Variants in RSRC1 observed in about 807,000 individuals in gnomAD.
RSRC1 encodes the protein serine/Arginine-related protein 53.
Under a neutral mutation model 49.1 loss-of-function variants are expected in RSRC1, and 39 were observed. That is an observed-to-expected ratio of 0.79 (90% CI 0.61 to 1.04). The LOEUF (loss-of-function observed/expected upper bound fraction) is 1.04. Among genes scored for constraint, RSRC1 ranks in the 50% least tolerant of loss-of-function variants. The pLI, the probability that RSRC1 is intolerant of heterozygous loss-of-function variation, is 0.00. For synonymous variants in RSRC1, 143 were observed against 130.8 expected (o/e 1.09, Z -0.63); for missense variants, 388 against 402.4 (o/e 0.96, Z 0.31).
Position 158,520,724 on chromosome 3 carries a change from G to T in RSRC1, c.653-16368G>T, listed in dbSNP as rs78776971. On this transcript the variant is annotated intron_variant, in intron 7 of 9. Coordinates refer to ENST00000611884, the MANE Select transcript of RSRC1 (RefSeq NM_001271838.2). ...TCAAATTAATTGTGGATTTGCAGTG[G>T]TTTCATTTTCAAAGGTTTATGTTTA... Among the ~76,000 whole-genome samples, 1,513 of 152,166 alleles carry T rather than the reference G, an allele frequency of 9.9e-3. 16 individuals are homozygous for T. The highest frequency in any genetic ancestry group is 0.035 in the African/African-American group (1,443 of 41,518).
At chr3:158,505,047 C>T (rs1160724198) in intron 7 of RSRC1, among the ~76,000 whole-genome samples, 1 of 152,120 alleles carries the variant, frequency 6.6e-6, no homozygotes, top group Non-Finnish European at 1.5e-5. Context: ...GGCCTTTTAT[C>T]AGTGGAAATC....
At chr3:158,310,971 T>G (rs1728089184) in intron 5 of RSRC1, among the ~76,000 whole-genome samples, 1 of 151,828 alleles carries the variant, frequency 6.6e-6, no homozygotes, top group African/African-American at 2.4e-5. Context: ...TAATCTACTC[T>G]CCTCGTTTGT....
chr3:158,119,540 A>G (rs889465859), intron 1 of RSRC1, among the ~76,000 whole-genome samples: 6 of 152,170 alleles, frequency 3.9e-5, no homozygotes, highest in Non-Finnish European at 7.4e-5. Flanking sequence ...AAAAACAAGA[A>G]AGGAATTAAA....
intron 5 of RSRC1, among the ~76,000 whole-genome samples, chr3:158,339,728 C>A (rs1447502594): frequency 6.6e-6 from 1 of 152,166 alleles, no homozygotes; most frequent in African/African-American, 2.4e-5. Flanking sequence ...CAGGCACTCT[C>A]CTAGGTGCTA....
At chr3:158,158,545 T>C (rs1215545495) in intron 3 of RSRC1, among the ~76,000 whole-genome samples, 6 of 152,216 alleles carry the variant, frequency 3.9e-5, no homozygotes, top group Non-Finnish European at 8.8e-5. Flanking sequence ...TGAAATTGTC[T>C]TTTCCCCCAC....
chr3:158,358,571 A>G (rs1731285620), intron 6 of RSRC1, among the ~76,000 whole-genome samples: 1 of 152,150 alleles, frequency 6.6e-6, no homozygotes, highest in South Asian at 2.1e-4. Flanking sequence ...AATATGACAG[A>G]TGTGTGTTTT....
intron 6 of RSRC1, among the ~76,000 whole-genome samples, chr3:158,414,711 G>A (rs1578445759): frequency 6.6e-6 from 1 of 151,576 alleles, no homozygotes. Context: ...GACAAAGTAA[G>A]ACTCTGTTTC....
At chr3:158,360,760 G>A (rs1325541156) in intron 6 of RSRC1, among the ~76,000 whole-genome samples, 3 of 152,226 alleles carry the variant, frequency 2.0e-5, no homozygotes, top group African/African-American at 4.8e-5. Context: ...GGCAGCAGGA[G>A]CAGGCACCCT....
At chr3:158,537,016 G>C in intron 7 of RSRC1, 76 bp from the exon 8 acceptor site, 1 of 859,078 alleles carries the variant, frequency 1.2e-6, no homozygotes, top group Non-Finnish European at 1.9e-6. Flanking sequence ...TTTCTTCATA[G>C]AAAGAACATT....
chr3:158,302,557 G>T (rs1167847501), intron 5 of RSRC1: 1 of 121,016 alleles, frequency 8.3e-6, no homozygotes, highest in Non-Finnish European at 1.7e-5. Context: ...TGTTGCTCCT[G>T]ACTTTTTTTT....
intron 3 of RSRC1, among the ~76,000 whole-genome samples, chr3:158,158,288 CAG>C (rs1001195140): frequency 2.6e-5 from 4 of 151,894 alleles, no homozygotes; most frequent in African/African-American, 9.7e-5. Context: ...ATGGAAAACA[CAG>C]TATATGGAGG....
chr3:158,222,111 C>G (rs1722254871), intron 4 of RSRC1, among the ~76,000 whole-genome samples: 1 of 151,424 alleles, frequency 6.6e-6, no homozygotes, highest in South Asian at 2.1e-4. Flanking sequence ...GGGCAGTTTA[C>G]GATCAGTTAT....
intron 3 of RSRC1, among the ~76,000 whole-genome samples, chr3:158,147,753 G>T (rs950596715): frequency 2.0e-5 from 3 of 152,130 alleles, no homozygotes; most frequent in East Asian, 1.9e-4. Flanking sequence ...AAAAGTGTAC[G>T]TTTTAGAAGT....
At chr3:158,473,568 C>T (rs62289511) in intron 7 of RSRC1, among the ~76,000 whole-genome samples, 13,205 of 151,488 alleles carry the variant, frequency 0.087, 641 homozygotes, top group South Asian at 0.15. Flanking sequence ...ATGTAAATGA[C>T]GAGTTAATGG....
chr3:158,304,714 A>G (rs1727745439), intron 5 of RSRC1, among the ~76,000 whole-genome samples: 1 of 152,072 alleles, frequency 6.6e-6, no homozygotes, highest in Admixed American at 6.6e-5. Flanking sequence ...ATTTTAATAT[A>G]TTTTTCTCAC....
intron 7 of RSRC1, among the ~76,000 whole-genome samples, chr3:158,515,869 C>G (rs1740492574): frequency 6.6e-6 from 1 of 151,906 alleles, no homozygotes; most frequent in Non-Finnish European, 1.5e-5. Flanking sequence ...TCGCTGATAC[C>G]CTTTCTTCCA....
At chr3:158,229,923 C>T (rs1425074061) in intron 4 of RSRC1, among the ~76,000 whole-genome samples, 1 of 151,964 alleles carries the variant, frequency 6.6e-6, no homozygotes, top group Non-Finnish European at 1.5e-5. Flanking sequence ...AACATTTGTA[C>T]AATATGATTT....
intron 4 of RSRC1, among the ~76,000 whole-genome samples, chr3:158,271,011 G>T (rs1035826379): frequency 2.0e-5 from 3 of 152,162 alleles, no homozygotes; most frequent in Middle Eastern, 3.4e-3. Flanking sequence ...TTTATAAAAG[G>T]ATTATCCCCG....
At chr3:158,146,972 A>G (rs1441647009) in intron 3 of RSRC1, among the ~76,000 whole-genome samples, 1 of 152,018 alleles carries the variant, frequency 6.6e-6, no homozygotes. Flanking sequence ...CAATATATAC[A>G]CAGTACCTAG....
Sources: allele counts gnomAD v4.1 joint callset (sites outside exome capture counted in the v4.1 genomes callset), GRCh38; gene constraint gnomAD v4.1.1; transcripts MANE v1.5; gene names NCBI Gene and HGNC (gene_info 2026-07-23, HGNC 2026-07-21).